The following TOGARAM1 variants were observed in gnomAD, a reference collection of about 807,000 sequenced individuals.
TOGARAM1 encodes TOG array regulator of axonemal microtubules 1.
A neutral mutation model predicts 166.6 loss-of-function variants in TOGARAM1; 100 were observed. The observed-to-expected ratio is 0.60, with a 90% CI of 0.51 to 0.71. TOGARAM1 has a LOEUF of 0.71. TOGARAM1 is among the 30% of genes least tolerant of loss of function. The pLI is 0.00. For missense variants in TOGARAM1, 2,029 were observed against 2,102.7 expected, an observed-to-expected ratio of 0.96 and a Z score of 0.69; for synonymous variants, 758 against 763.8, an observed-to-expected ratio of 0.99 and a Z score of 0.13.
intron 5 of TOGARAM1, chr14:45,007,285 TTAAAG>T (rs1441056220): frequency 4.0e-5 from 6 of 151,862 alleles, no homozygotes; most frequent in African/African-American, 7.2e-5. Context: ...TGTTAATGAT[TTAAAG>T]TAATCACCCC....
intron 11 of TOGARAM1, among the ~76,000 whole-genome samples, chr14:45,034,870 T>C (rs1469647659): frequency 6.6e-6 from 1 of 151,514 alleles, no homozygotes; most frequent in Non-Finnish European, 1.5e-5. Flanking sequence ...TAACCAATAG[T>C]GAGAAGAAAA....
At chr14:44,992,145 G>A (rs1215755432) in intron 1 of TOGARAM1, among the ~76,000 whole-genome samples, 2 of 150,070 alleles carry the variant, frequency 1.3e-5, no homozygotes, top group Non-Finnish European at 3.0e-5. Context: ...ACTTATAAGG[G>A]GTTTTAACAG....
chr14:45,048,998 C>T (rs1360368110), intron 14 of TOGARAM1, among the ~76,000 whole-genome samples: 1 of 146,614 alleles, frequency 6.8e-6, no homozygotes, highest in African/African-American at 2.6e-5. Flanking sequence ...GAACATCCGC[C>T]CAGTAGGTGG....
At chr14:45,012,468 T>C (rs1879866040) in intron 7 of TOGARAM1, among the ~76,000 whole-genome samples, 1 of 152,248 alleles carries the variant, frequency 6.6e-6, no homozygotes, top group South Asian at 2.1e-4. Flanking sequence ...AAAAACAATA[T>C]TAACTGTTAA....
At chr14:45,022,304 C>T (rs567110520) in intron 7 of TOGARAM1, among the ~76,000 whole-genome samples, 3 of 150,500 alleles carry the variant, frequency 2.0e-5, no homozygotes, top group African/African-American at 7.3e-5. Flanking sequence ...AAGTATCTAC[C>T]GAAACTAGTA....
rs924632227 is a variant in TOGARAM1 at position 45,004,192 on chromosome 14, C to T, written c.2470C>T (p.Arg824Ter). 5 of 1,613,912 alleles carry T rather than the reference C, an allele frequency of 3.1e-6. No homozygotes were observed. The highest frequency in any genetic ancestry group is 1.3e-5 in the African/African-American group (1 of 74,904). The change falls in exon 4 of 20, where the codon CGA becomes TGA. Residue 824 changes from arginine to a stop codon, truncating the protein, a stop_gained. Coordinates refer to ENST00000361462, the MANE Select transcript of TOGARAM1 (RefSeq NM_001308120.2). LOFTEE classifies it high-confidence loss of function. The part of the protein sequence containing the change: ...ILPSYPVSSP[R>*]TSPKHTSPLI... The stretch of plus-strand genomic sequence containing the variant: ...TCCATCCTATCCTGTCTCATCACCT[C>T]GAACTAGTCCAAAGCATACATCTCC...
chr14:45,073,349 T>G lies in TOGARAM1; in HGVS notation c.5110T>G (p.Leu1704Val). Residue 1704 changes from leucine to valine, a missense_variant, in exon 20 of 20, where the codon TTG (leucine) becomes GTG (valine). Leu to Val is a conservative substitution (Grantham distance 32). Transcript: ENST00000361462. ...RKPHATEQKV[L>V]VVLWHLLGNM... is the part of the protein sequence containing the mutation. ...GCCGCATGCCACAGAGCAGAAAGTG[T>G]TGGTTGTTTTATGGCATCTCTTAGG... The G allele has an allele frequency of 2.5e-6, 4 of 1,614,172 alleles. No homozygotes were observed. Among genetic ancestry groups the G allele is most frequent in the Non-Finnish European group, 3.4e-6 (4 of 1,180,024 alleles).
At chr14:45,054,624 A>G in intron 16 of TOGARAM1, 75 bp downstream of exon 16, 6 of 1,123,554 alleles carry the variant, frequency 5.3e-6, no homozygotes, top group Non-Finnish European at 7.7e-6. Context: ...GTTTTCATAA[A>G]CTACCCCAGG....
At chr14:44,994,930 G>A (rs1594633965) in intron 1 of TOGARAM1, among the ~76,000 whole-genome samples, 5 of 152,282 alleles carry the variant, frequency 3.3e-5, no homozygotes, top group Admixed American at 3.3e-4. Flanking sequence ...ATTTGATTGT[G>A]TCTATGAGCT....
At chr14:45,010,741 C>T (rs184860147) in intron 6 of TOGARAM1, among the ~76,000 whole-genome samples, 8 of 152,172 alleles carry the variant, frequency 5.3e-5, no homozygotes, top group African/African-American at 1.9e-4. Flanking sequence ...TTGCATACTG[C>T]CTTAAGATTC....
chr14:45,055,219 A>C (rs543904513), intron 16 of TOGARAM1, among the ~76,000 whole-genome samples: 1 of 152,192 alleles, frequency 6.6e-6, no homozygotes, highest in Non-Finnish European at 1.5e-5. Flanking sequence ...TAATCCATTT[A>C]GTTGATTTTT....
chr14:45,041,639 C>T, intron 11 of TOGARAM1, among the ~76,000 whole-genome samples: 1 of 152,186 alleles, frequency 6.6e-6, no homozygotes, highest in Non-Finnish European at 1.5e-5. Context: ...AAATTCTTAA[C>T]ACAGAACTTC....
At chr14:45,067,992 A>C (rs1883210226) in intron 17 of TOGARAM1, among the ~76,000 whole-genome samples, 1 of 152,184 alleles carries the variant, frequency 6.6e-6, no homozygotes, top group Admixed American at 6.5e-5. Context: ...ACCTAAACTG[A>C]AACTAGGTTA....
At chr14:45,052,364 A>G (rs943243204) in intron 14 of TOGARAM1, 72 bp from the exon 15 acceptor site, 32 of 1,290,812 alleles carry the variant, frequency 2.5e-5, no homozygotes, top group Non-Finnish European at 3.2e-5. Flanking sequence ...TATTGAAACA[A>G]TGCATCTAAG....
intron 9 of TOGARAM1, 67 bp from the exon 10 acceptor site, chr14:45,028,109 C>A: frequency 7.2e-7 from 1 of 1,386,696 alleles, no homozygotes; most frequent in East Asian, 2.3e-5. Context: ...AATTAGTTAT[C>A]TGAGATGAAG....
At chr14:44,965,589 A>G (rs1361687003) in intron 1 of TOGARAM1, among the ~76,000 whole-genome samples, 2 of 152,218 alleles carry the variant, frequency 1.3e-5, no homozygotes, top group Admixed American at 1.3e-4. Flanking sequence ...ATTAAGTAGA[A>G]GATAAGTAGT....
At position 44,995,506 on chromosome 14, in the gene TOGARAM1, A is replaced by G. The variant is rs530360605; in HGVS notation, c.2047-240A>G. 3 of 513,964 alleles carry G rather than the reference A, an allele frequency of 5.8e-6. No individual in the cohort carries two copies. In the East Asian group the frequency reaches 1.5e-4, roughly 25 times the overall value. 31.8% of individuals were successfully genotyped at this position (513,964 alleles called of 1,614,324 possible). On this transcript the variant is annotated intron_variant, in intron 1 of 19. Transcript: ENST00000361462. The stretch of plus-strand genomic sequence containing the variant: ...TTGCCAGAGTCTGCTGTAGGATGGT[A>G]AGGAACAGTAAAGGGTTGGGGTGAA...
At chr14:45,053,195 C>T (rs548833966) in intron 15 of TOGARAM1, among the ~76,000 whole-genome samples, 96 of 152,016 alleles carry the variant, frequency 6.3e-4, no homozygotes, top group African/African-American at 2.0e-3. Context: ...CCCACCACCA[C>T]GCCCAACTAA....
At chr14:44,991,924 A>T (rs1887156267) in intron 1 of TOGARAM1, among the ~76,000 whole-genome samples, 2 of 151,674 alleles carry the variant, frequency 1.3e-5, no homozygotes, top group Admixed American at 6.6e-5. Context: ...TTTTTACAAT[A>T]AGCAATTATT....
Sources: allele counts gnomAD v4.1 joint callset (sites outside exome capture counted in the v4.1 genomes callset), GRCh38; gene constraint gnomAD v4.1.1; transcripts MANE v1.5; gene names NCBI Gene and HGNC (gene_info 2026-07-23, HGNC 2026-07-21).